Variants in ATL2 observed in about 807,000 individuals in gnomAD.
ATL2 encodes atlastin GTPase 2.
In ATL2, 31 loss-of-function variants were observed where a neutral mutation model predicts 73.9. The ratio of observed to expected loss-of-function variants is 0.42; its 90% CI spans 0.32 to 0.57. The LOEUF (loss-of-function observed/expected upper bound fraction) is 0.57. Among genes scored for constraint, ATL2 ranks in the 20% least tolerant of loss-of-function variants. The pLI is 0.14. For missense variants in ATL2, 738 were observed against 702.6 expected (o/e 1.05, Z -0.57); for synonymous variants, 291 against 237.5 (o/e 1.23, Z -2.07).
intron 2 of ATL2, among the ~76,000 whole-genome samples, chr2:38,321,548 C>G (rs1036400406): frequency 3.3e-5 from 5 of 152,148 alleles, no homozygotes; most frequent in Admixed American, 1.3e-4. Flanking sequence ...TCATATTGGT[C>G]TCTATGCAAC....
chr2:38,338,648 T>C (rs1319807412), intron 2 of ATL2, among the ~76,000 whole-genome samples: 1 of 152,120 alleles, frequency 6.6e-6, no homozygotes, highest in South Asian at 2.1e-4. Flanking sequence ...AATCCTCCTC[T>C]TTCCCTGTTC....
chr2:38,296,905 A>G (rs1242176430), intron 12 of ATL2, among the ~76,000 whole-genome samples: 1 of 152,260 alleles, frequency 6.6e-6, no homozygotes, highest in Non-Finnish European at 1.5e-5. Flanking sequence ...ATTTCTCAAA[A>G]GAAGATATTG....
At chr2:38,335,721 TTA>T (rs1322065254) in intron 2 of ATL2, among the ~76,000 whole-genome samples, 1 of 152,152 alleles carries the variant, frequency 6.6e-6, no homozygotes, top group Non-Finnish European at 1.5e-5. Flanking sequence ...TTTATACACT[TTA>T]TGTATGTAAG....
intron 1 of ATL2, among the ~76,000 whole-genome samples, chr2:38,375,847 C>T (rs1251152235): frequency 1.3e-5 from 2 of 152,196 alleles, no homozygotes; most frequent in Admixed American, 6.5e-5. Context: ...GGTTGGCAGA[C>T]AATAATAAAA....
At chr2:38,376,179 TC>T in intron 1 of ATL2, 1 of 1,522,246 alleles carries the variant, frequency 6.6e-7, no homozygotes, top group Non-Finnish European at 8.8e-7. Context: ...TTAAGTACCA[TC>T]AAAATTTTCA....
chr2:38,339,301 G>C (rs944200951), intron 2 of ATL2, among the ~76,000 whole-genome samples: 2 of 152,030 alleles, frequency 1.3e-5, no homozygotes, highest in African/African-American at 4.8e-5. Flanking sequence ...GCTAAATCTA[G>C]GAATCGTATT....
chr2:38,369,488 A>G (rs1167783717), intron 1 of ATL2, among the ~76,000 whole-genome samples: 1 of 149,212 alleles, frequency 6.7e-6, no homozygotes, highest in East Asian at 2.1e-4. Context: ...GGGTTTCACT[A>G]TGTTGGTCAG....
intron 2 of ATL2, among the ~76,000 whole-genome samples, chr2:38,327,880 G>C (rs2148455476): frequency 6.6e-6 from 1 of 152,288 alleles, no homozygotes; most frequent in East Asian, 1.9e-4. Flanking sequence ...AGGTTGCAGT[G>C]AGCCGAGATT....
intron 1 of ATL2, among the ~76,000 whole-genome samples, chr2:38,366,899 A>C (rs1671360477): frequency 6.6e-6 from 1 of 152,216 alleles, no homozygotes; most frequent in Admixed American, 6.5e-5. Context: ...CTCTAGTCCC[A>C]AAAGAAAACT....
At chr2:38,331,736 T>C (rs1669008846) in intron 2 of ATL2, among the ~76,000 whole-genome samples, 1 of 151,870 alleles carries the variant, frequency 6.6e-6, no homozygotes, top group Admixed American at 6.6e-5. Flanking sequence ...CATTCAATAG[T>C]GGAAGTGTTG....
chr2:38,295,895 C>A lies in ATL2; in HGVS notation c.*99G>T, dbSNP rs1666864527. On this transcript the variant is annotated 3_prime_UTR_variant, in exon 13 of 13. Transcript: ENST00000378954. ...TGAAGCCAGTTACACTAAACTACTT[C>A]TACAGTTGATTGTAAACTTTGGTTT... The A allele has an allele frequency of 9.7e-7, 1 of 1,030,228 alleles. No individual in the cohort carries two copies. Among genetic ancestry groups the A allele is most frequent in the African/African-American group, 1.6e-5 (1 of 61,586 alleles). The allele number at this position is 1,030,228 out of a possible 1,614,324, so 63.8% of individuals were successfully genotyped here. A position where few individuals can be genotyped will look rare whatever the true frequency, so the allele number is the denominator to read the frequency against.
intron 2 of ATL2, among the ~76,000 whole-genome samples, chr2:38,326,169 TA>T (rs1668651537): frequency 6.6e-6 from 1 of 152,182 alleles, no homozygotes; most frequent in Non-Finnish European, 1.5e-5. Flanking sequence ...TGCTCCAATA[TA>T]ATGACAGTGG....
At chr2:38,296,594 A>C (rs770373543) in intron 12 of ATL2, 1 of 1,613,620 alleles carries the variant, frequency 6.2e-7, no homozygotes, top group Non-Finnish European at 8.5e-7. Context: ...AAAACACCTA[A>C]AACATGAAGT....
chr2:38,344,684 A>T (rs1261275861), intron 1 of ATL2, among the ~76,000 whole-genome samples: 1 of 152,174 alleles, frequency 6.6e-6, no homozygotes, highest in East Asian at 1.9e-4. Context: ...GGGTTCTAAC[A>T]AGTTTCCAAA....
intron 1 of ATL2, among the ~76,000 whole-genome samples, chr2:38,369,681 G>T (rs1671554386): frequency 6.6e-6 from 1 of 151,832 alleles, no homozygotes; most frequent in South Asian, 2.1e-4. Context: ...GAGCCCAGAA[G>T]GTGGAGGCTG....
rs140731550 is a variant in ATL2, at chr2:38,374,143, G to A, written c.118+3000C>T. On this transcript the variant is annotated intron_variant, in intron 1 of 12. Coordinates refer to ENST00000378954, the MANE Select transcript of ATL2 (RefSeq NM_001135673.4). Reference sequence around the variant, plus strand: ...TGACCTCAGGTGATCCACCTGCCTCGGCCTCCGAAAAGTGCTGGGATTACA... The same window carrying A: ...TGACCTCAGGTGATCCACCTGCCTCAGCCTCCGAAAAGTGCTGGGATTACA... 6.2e-3 allele frequency among the ~76,000 whole-genome samples: 903 copies of A among 144,668 alleles called. 4 individuals are homozygous for A. Among genetic ancestry groups the A allele is most frequent in the Non-Finnish European group, 9.5e-3 (649 of 67,964 alleles). The allele number at this position is 144,668 out of a possible 152,430, so 94.9% of individuals were successfully genotyped here.
rs146211903 is a variant in ATL2, at chr2:38,300,811, C to G, written c.1072-483G>C. ...AACTACAAGGTGTGTGCCACCACAT[C>G]CAGCTGAAGAAACAATTTTATCCAG... On this transcript the variant is annotated intron_variant, in intron 9 of 12. Transcript: ENST00000378954. Among the ~76,000 whole-genome samples the G allele has an allele frequency of 5.5e-3, 839 of 151,262 alleles. 5 individuals are homozygous for G. The highest frequency in any genetic ancestry group is 9.4e-3 in the Non-Finnish European group (636 of 67,938).
chr2:38,314,655 C>G lies in ATL2; in HGVS notation c.664G>C (p.Glu222Gln). Residue 222 changes from glutamate to glutamine, a missense_variant, in exon 6 of 13, where the codon GAG (glutamate) becomes CAG (glutamine). Physicochemically the swap from Glu to Gln is conservative, Grantham distance 29. Coordinates refer to ENST00000378954, the MANE Select transcript of ATL2 (RefSeq NM_001135673.4). ...TCTTCCATCGCAAGTCTTCCATACT[C>G]TGTAAATAACTATTAAATAGAGTTA... Reference protein sequence around the residue: ...DDLQHLQLFTEYGRLAMEEIY... With the variant: ...DDLQHLQLFTQYGRLAMEEIY... The G allele has an allele frequency of 6.3e-7, 1 of 1,588,692 alleles. No homozygotes were observed. Among genetic ancestry groups the G allele is most frequent in the Non-Finnish European group, 8.6e-7 (1 of 1,158,020 alleles).
chr2:38,316,145 T>A (rs1028172243), intron 4 of ATL2, among the ~76,000 whole-genome samples: 2 of 152,174 alleles, frequency 1.3e-5, no homozygotes. Flanking sequence ...GAGAGAACAA[T>A]CTGTTCTAGG....
Sources: gnomAD v4.1 joint callset for allele counts (sites outside exome capture counted in the v4.1 genomes callset) on GRCh38, gnomAD v4.1.1 for gene constraint, MANE v1.5 for transcripts, NCBI Gene and HGNC (gene_info 2026-07-23, HGNC 2026-07-21) for gene names.